STARD13: variants seen among roughly 807,000 people sequenced by gnomAD.
STARD13 encodes the protein stAR-related lipid transfer protein 13.
STARD13 carries 62 observed loss-of-function variants against 106.4 expected under a neutral mutation model. The observed-to-expected ratio is 0.58, with a 90% confidence interval of 0.48 to 0.72. The LOEUF (loss-of-function observed/expected upper bound fraction) is 0.72, where lower values mean the gene tolerates loss of function less well. STARD13 is among the 30% of genes least tolerant of loss of function. The pLI is 0.00. For missense variants in STARD13, 1,387 were observed against 1,424.0 expected, an observed-to-expected ratio of 0.97 and a Z score of 0.42; for synonymous variants, 565 against 553.0, an observed-to-expected ratio of 1.02 and a Z score of -0.31.
chr13:33,529,573 A>G, the STARD13 span, among the ~76,000 whole-genome samples: 1 of 152,168 alleles, frequency 6.6e-6, no homozygotes, highest in South Asian at 2.1e-4. Context: ...AATATAACAT[A>G]TTTTCCTCAA....
chr13:33,490,783 C>T, the STARD13 span, among the ~76,000 whole-genome samples: 1 of 152,332 alleles, frequency 6.6e-6, no homozygotes, highest in East Asian at 1.9e-4. Context: ...TCTGCCCTTG[C>T]GAAAAGGCAG....
At chr13:33,124,806 C>G (rs1876911037) in intron 7 of STARD13, among the ~76,000 whole-genome samples, 1 of 152,180 alleles carries the variant, frequency 6.6e-6, no homozygotes, top group South Asian at 2.1e-4. Flanking sequence ...GCTGGGGCAT[C>G]TGTCAAAGAA....
the STARD13 span, among the ~76,000 whole-genome samples, chr13:33,645,172 TG>T: frequency 6.6e-6 from 1 of 152,038 alleles, no homozygotes; most frequent in African/African-American, 2.4e-5. Context: ...GAAGTGAAGG[TG>T]GGTGATCTAC....
At chr13:33,268,496 A>G (rs912573464) in intron 1 of STARD13, among the ~76,000 whole-genome samples, 2 of 152,234 alleles carry the variant, frequency 1.3e-5, no homozygotes, top group African/African-American at 4.8e-5. Flanking sequence ...AGCACTTTGC[A>G]GGTGTGAGAA....
At chr13:33,302,289 A>G (rs569469865) in intron 1 of STARD13, among the ~76,000 whole-genome samples, 2 of 152,344 alleles carry the variant, frequency 1.3e-5, no homozygotes, top group East Asian at 3.9e-4. Flanking sequence ...CTCATTCACC[A>G]TCATGACTAG....
At chr13:33,400,334 G>A in the STARD13 span, among the ~76,000 whole-genome samples, 1 of 152,138 alleles carries the variant, frequency 6.6e-6, no homozygotes, top group Non-Finnish European at 1.5e-5. Context: ...ATACTCCATT[G>A]TGTGAATATA....
the STARD13 span, among the ~76,000 whole-genome samples, chr13:33,418,455 G>A: frequency 1.3e-5 from 2 of 152,214 alleles, no homozygotes; most frequent in Admixed American, 1.3e-4. Context: ...ACTGGGTGGA[G>A]CCCACCGCAG....
chr13:33,471,405 A>G, the STARD13 span, among the ~76,000 whole-genome samples: 3 of 152,206 alleles, frequency 2.0e-5, no homozygotes, highest in Non-Finnish European at 4.4e-5. Flanking sequence ...CTGATTCACA[A>G]TGCTTAATCC....
At chr13:33,663,286 G>C in the STARD13 span, among the ~76,000 whole-genome samples, 28 of 151,976 alleles carry the variant, frequency 1.8e-4, no homozygotes, top group South Asian at 3.3e-3. Context: ...TCTTAAAACT[G>C]TTTTAAAATT....
intron 1 of STARD13, among the ~76,000 whole-genome samples, chr13:33,191,590 T>C (rs901645864): frequency 1.3e-5 from 2 of 152,166 alleles, no homozygotes; most frequent in African/African-American, 4.8e-5. Context: ...TCCAGAAAAA[T>C]CCACATGAAC....
intron 1 of STARD13, among the ~76,000 whole-genome samples, chr13:33,243,812 TG>T (rs1889682404): frequency 6.6e-6 from 1 of 152,180 alleles, no homozygotes; most frequent in African/African-American, 2.4e-5. Context: ...TTCGTTTACC[TG>T]TTAAGCCCAG....
chr13:33,440,600 A>C, the STARD13 span, among the ~76,000 whole-genome samples: 1 of 150,300 alleles, frequency 6.7e-6, no homozygotes, highest in African/African-American at 2.5e-5. Context: ...GATTTCATTT[A>C]CTTAAGTTTT....
chr13:33,362,181 T>C, the STARD13 span, among the ~76,000 whole-genome samples: 1 of 152,126 alleles, frequency 6.6e-6, no homozygotes, highest in Non-Finnish European at 1.5e-5. Context: ...TCTGCTTGGC[T>C]TCTGGTGAGG....
At chr13:33,128,060 GAGAC>G (rs1368003483) in intron 5 of STARD13, among the ~76,000 whole-genome samples, 3 of 152,066 alleles carry the variant, frequency 2.0e-5, no homozygotes, top group East Asian at 1.9e-4. Flanking sequence ...AGAGGATGGA[GAGAC>G]AGACAGAGAC....
chr13:33,338,051 T>A (rs925247098), intron 1 of STARD13, among the ~76,000 whole-genome samples: 1 of 152,210 alleles, frequency 6.6e-6, no homozygotes, highest in Non-Finnish European at 1.5e-5. Flanking sequence ...ACTTGTCCCC[T>A]CTTGTCCCTT....
At chr13:33,547,702 A>G in the STARD13 span, among the ~76,000 whole-genome samples, 2 of 152,216 alleles carry the variant, frequency 1.3e-5, no homozygotes, top group South Asian at 2.1e-4. Context: ...ATGCATTTAG[A>G]AGGATTTTAA....
the STARD13 span, among the ~76,000 whole-genome samples, chr13:33,601,460 A>T: frequency 6.6e-6 from 1 of 152,050 alleles, no homozygotes; most frequent in Non-Finnish European, 1.5e-5. Context: ...TTTCTTGGGG[A>T]TAGGAAAGGG....
the STARD13 span, among the ~76,000 whole-genome samples, chr13:33,449,602 A>G: frequency 3.7e-3 from 569 of 152,280 alleles, 3 homozygotes; most frequent in African/African-American, 0.013. Flanking sequence ...TTGTGGTTTC[A>G]TGAAAATTGT....
the STARD13 span, among the ~76,000 whole-genome samples, chr13:33,398,583 A>G: frequency 6.6e-6 from 1 of 151,922 alleles, no homozygotes; most frequent in South Asian, 2.1e-4. Flanking sequence ...CAGAATATAT[A>G]TAAAAAATTC....
Sources: gnomAD v4.1 joint callset for allele counts (sites outside exome capture counted in the v4.1 genomes callset) on GRCh38, gnomAD v4.1.1 for gene constraint, MANE v1.5 for transcripts, NCBI Gene and HGNC (gene_info 2026-07-23, HGNC 2026-07-21) for gene names.